TXNDC8: variants seen among roughly 807,000 people sequenced by gnomAD.
TXNDC8 encodes thioredoxin domain-containing protein 8.
A neutral mutation model predicts 12.9 loss-of-function variants in TXNDC8; 15 were observed. That is an observed-to-expected ratio of 1.16 (90% CI 0.78 to 1.79). The LOEUF (loss-of-function observed/expected upper bound fraction) is 1.79, where lower values mean the gene tolerates loss of function less well. Among genes scored for constraint, TXNDC8 ranks in the 40% most tolerant of loss-of-function variants. The pLI, the probability that TXNDC8 is intolerant of heterozygous loss-of-function variation, is 0.00. For missense variants in TXNDC8, 128 were observed against 113.2 expected (o/e 1.13, Z -0.59); for synonymous variants, 40 against 35.4 (o/e 1.13, Z -0.46).
intron 2 of TXNDC8, among the ~76,000 whole-genome samples, chr9:110,329,703 C>T (rs973922588): frequency 1.3e-5 from 2 of 152,194 alleles, no homozygotes; most frequent in African/African-American, 2.4e-5. Flanking sequence ...TCTACCTTCT[C>T]TTGCCTGGCA....
rs113993585 is a variant in TXNDC8 at position 110,303,818 on chromosome 9, A to G, written c.262-110T>C. 1.3e-3 allele frequency: 1,074 copies of G among 843,526 alleles called. 11 individuals carry two copies. In the African/African-American group the frequency reaches 0.016, roughly 13 times the overall value. 52.3% of individuals were successfully genotyped at this position (843,526 alleles called of 1,614,324 possible). ...CTTTGCCAGATCTCTATAATTCTCC[A>G]TAATATACCTTTAATCTAAGATCTA... On this transcript the variant is annotated intron_variant, in intron 4 of 4. Transcript: ENST00000423740.
rs987542875 is a variant in TXNDC8 at position 110,324,149 on chromosome 9, G to A, written c.195+2026C>T. ...GAGAGTAACTGATGGATAGAGGCCT[G>A]AAGCAGAAGGTAGGGAATGCAATCA... On this transcript the variant is annotated intron_variant, in intron 3 of 4. Coordinates refer to ENST00000423740, the MANE Select transcript of TXNDC8 (RefSeq NM_001286946.2). 8 of 1,074,034 alleles carry A rather than the reference G, an allele frequency of 7.4e-6. No individual in the cohort carries two copies. In the African/African-American group the frequency reaches 9.6e-5, roughly 13 times the overall value. The allele number at this position is 1,074,034 out of a possible 1,614,324, so 66.5% of individuals were successfully genotyped here. A position where few individuals can be genotyped will look rare whatever the true frequency, so the allele number is the denominator to read the frequency against.
rs1838488176 is a variant in TXNDC8, at chr9:110,306,843, A to G, written c.196-2311T>C. ...CCTTGAACCTTTTCTCTGTGATCCC[A>G]TAGTACTCTGGGCATCGCAGTATTA... On this transcript the variant is annotated intron_variant, in intron 3 of 4. Coordinates refer to ENST00000423740, the MANE Select transcript of TXNDC8 (RefSeq NM_001286946.2). 2.0e-5 allele frequency among the ~76,000 whole-genome samples: 3 copies of G among 152,192 alleles called. No homozygotes were observed. The South Asian group carries it at 6.2e-4, about 31-fold the overall frequency.
rs181117120 is a variant in TXNDC8, at chr9:110,322,137, C to T, written c.195+4038G>A. 2.0e-4 allele frequency among the ~76,000 whole-genome samples: 31 copies of T among 151,678 alleles called. No individual in the cohort carries two copies. The East Asian group carries it at 3.1e-3, about 15-fold the overall frequency. On this transcript the variant is annotated intron_variant, in intron 3 of 4. Transcript: ENST00000423740. ...AAAGATATGATTACGATGTACAAAA[C>T]GTTTAGAAGTAGAGTCATTTGTATA...
rs764010400 is a variant in TXNDC8, at chr9:110,334,202, C to T, written c.129+14G>A. 6.3e-7 allele frequency: 1 copy of T among 1,588,380 alleles called. No homozygotes were observed. Among genetic ancestry groups the T allele is most frequent in the South Asian group, 1.1e-5 (1 of 89,710 alleles). Reference sequence around the variant, plus strand: ...TTCTTCTGAAACTATGAGATATATACTGGTTGTACTCACATGGAAAACAGG... The same window carrying T: ...TTCTTCTGAAACTATGAGATATATATTGGTTGTACTCACATGGAAAACAGG... On this transcript the variant is annotated intron_variant, in intron 2 of 4. Coordinates refer to ENST00000423740, the MANE Select transcript of TXNDC8 (RefSeq NM_001286946.2).
In TXNDC8 at chr9:110,303,619, A is replaced by G; in HGVS notation, c.*63T>C. The G allele has an allele frequency of 6.4e-7, 1 of 1,574,414 alleles. No homozygotes were observed. The highest frequency in any genetic ancestry group is 8.6e-7 in the Non-Finnish European group (1 of 1,156,608). On this transcript the variant is annotated 3_prime_UTR_variant, in exon 5 of 5. Coordinates refer to ENST00000423740, the MANE Select transcript of TXNDC8 (RefSeq NM_001286946.2). The stretch of plus-strand genomic sequence containing the variant: ...ATGCACAAAGGTGAAACATTTATTG[A>G]TTCAAGTGCTGCGAAAATGTTGAGG...
intron 3 of TXNDC8, among the ~76,000 whole-genome samples, chr9:110,320,593 G>A (rs1442928156): frequency 6.6e-6 from 1 of 152,176 alleles, no homozygotes. Context: ...TCCACTGATA[G>A]GCTTCAGACG....
intron 3 of TXNDC8, chr9:110,324,106 T>G: frequency 7.2e-7 from 1 of 1,393,148 alleles, no homozygotes; most frequent in Middle Eastern, 1.9e-4. Flanking sequence ...AAGAAGTGTC[T>G]AAACTCCAAG....
intron 3 of TXNDC8, among the ~76,000 whole-genome samples, chr9:110,319,510 A>G (rs1446054449): frequency 1.3e-5 from 2 of 152,200 alleles, no homozygotes; most frequent in African/African-American, 4.8e-5. Context: ...TCCTCATTTT[A>G]CAGAGAAGGA....
At chr9:110,337,253 C>T (rs1310477757) in intron 1 of TXNDC8, among the ~76,000 whole-genome samples, 1 of 152,160 alleles carries the variant, frequency 6.6e-6, no homozygotes, top group Non-Finnish European at 1.5e-5. Flanking sequence ...AACGAACTAG[C>T]CCTGAACCTC....
intron 3 of TXNDC8, among the ~76,000 whole-genome samples, chr9:110,324,242 A>G (rs538411463): frequency 6.6e-6 from 1 of 152,218 alleles, no homozygotes; most frequent in Non-Finnish European, 1.5e-5. Flanking sequence ...AGTGAAGGAG[A>G]AGATAATAAA....
chr9:110,334,143 G>T, intron 2 of TXNDC8, 73 bp downstream of exon 2: 1 of 1,342,196 alleles, frequency 7.5e-7, no homozygotes, highest in Non-Finnish European at 1.0e-6. Context: ...AAACTTTTAA[G>T]AATTACTGGG....
At chr9:110,334,000 C>G (rs2118874882) in intron 2 of TXNDC8, among the ~76,000 whole-genome samples, 1 of 152,242 alleles carries the variant, frequency 6.6e-6, no homozygotes, top group South Asian at 2.1e-4. Flanking sequence ...GATGTTCTTG[C>G]AGAATTACCT....
rs372344288 is a variant in TXNDC8, at chr9:110,329,041, C to CTT, written c.130-2803_130-2802dup. ...GAGAGCTAATCTTTTTCTTGCTAAT[C>CTT]TTTTTTTTTGTTTTTAAGTAATACA... On this transcript the variant is annotated intron_variant, in intron 2 of 4. Transcript: ENST00000423740. Among the ~76,000 whole-genome samples the CTT allele has an allele frequency of 2.0e-5, 3 of 151,468 alleles. No individual in the cohort carries two copies. In the South Asian group the frequency reaches 6.3e-4, roughly 32 times the overall value.
Position 110,306,804 on chromosome 9 carries a change from A to G in TXNDC8, c.196-2272T>C, listed in dbSNP as rs561443254. On this transcript the variant is annotated intron_variant, in intron 3 of 4. Coordinates refer to ENST00000423740, the MANE Select transcript of TXNDC8 (RefSeq NM_001286946.2). ...ACTATCCCTCAAGATGGTTTGAGTA[A>G]CTCATAGAGCCTTCCTTGAACCTTT... Among the ~76,000 whole-genome samples, 26 of 152,216 alleles carry G rather than the reference A, an allele frequency of 1.7e-4. 1 individual carries two copies. The highest frequency in any genetic ancestry group is 6.0e-4 in the African/African-American group (25 of 41,528).
At chr9:110,337,028 C>T (rs1040965118) in intron 1 of TXNDC8, among the ~76,000 whole-genome samples, 1 of 152,178 alleles carries the variant, frequency 6.6e-6, no homozygotes, top group African/African-American at 2.4e-5. Flanking sequence ...GTTCTTATGT[C>T]GAAGTTACAG....
intron 3 of TXNDC8, among the ~76,000 whole-genome samples, chr9:110,308,474 TTTG>T (rs1554701415): frequency 1.5e-3 from 231 of 152,058 alleles, no homozygotes; most frequent in African/African-American, 5.4e-3. Flanking sequence ...TGTTTTTTTT[TTTG>T]TTGTTGTTGT....
At chr9:110,309,645 A>G (rs1015264208) in intron 3 of TXNDC8, among the ~76,000 whole-genome samples, 3 of 152,210 alleles carry the variant, frequency 2.0e-5, no homozygotes, top group East Asian at 1.9e-4. Context: ...CTAAAAAGTA[A>G]TTTAAAAAAA....
chr9:110,323,814 G>A (rs1839202438), intron 3 of TXNDC8: 1 of 1,527,164 alleles, frequency 6.5e-7, no homozygotes, highest in Non-Finnish European at 8.8e-7. Context: ...ACAAGCTGTA[G>A]TAGCTTCAGA....
Sources: gnomAD v4.1 joint callset for allele counts (sites outside exome capture counted in the v4.1 genomes callset) on GRCh38, gnomAD v4.1.1 for gene constraint, MANE v1.5 for transcripts, NCBI Gene and HGNC (gene_info 2026-07-23, HGNC 2026-07-21) for gene names.